The following SMC3 variants were observed in gnomAD, a reference collection of about 807,000 sequenced individuals.
The protein encoded by SMC3 is structural maintenance of chromosomes protein 3.
A neutral mutation model predicts 171.8 loss-of-function variants in SMC3; 20 were observed. The ratio of observed to expected loss-of-function variants is 0.12; its 90% confidence interval spans 0.08 to 0.17. SMC3 has a LOEUF of 0.17. Among genes scored for constraint, SMC3 ranks in the 10% least tolerant of loss-of-function variants. The probability of loss-of-function intolerance (pLI) is 1.00; values close to 1 mark genes in which losing one functional copy is unlikely to be tolerated. For missense variants in SMC3, 543 were observed against 1,420.4 expected (o/e 0.38, Z 9.93); for synonymous variants, 464 against 451.1 (o/e 1.03, Z -0.36).
At chr10:110,590,049 G>A in intron 15 of SMC3, 58 bp downstream of exon 15, 1 of 1,476,502 alleles carries the variant, frequency 6.8e-7, no homozygotes, top group Non-Finnish European at 9.5e-7. Flanking sequence ...TAATCGTTAT[G>A]TAATAATTTT....
At chr10:110,598,336 T>C in intron 20 of SMC3, 46 bp downstream of exon 20, 1 of 1,557,210 alleles carries the variant, frequency 6.4e-7, no homozygotes, top group African/African-American at 1.4e-5. Context: ...TACAGATTAA[T>C]AATATGGAAA....
In SMC3 at chr10:110,596,518, A is replaced by T. The variant is rs1861302645; in HGVS notation, c.2084A>T (p.Lys695Met). The part of the protein sequence containing the change: ...AEEELGELEA[K>M]LNENLRRNIE... ...GAAGAACTAGGTGAACTTGAAGCAAAGCTCAATGAAAACCTGCGCAGAAAT... is the reference window on the plus strand; with the variant it reads ...GAAGAACTAGGTGAACTTGAAGCAATGCTCAATGAAAACCTGCGCAGAAAT... The change falls in exon 19 of 29, where the codon AAG (lysine) becomes ATG (methionine). Residue 695 changes from lysine to methionine, a missense_variant. By Grantham distance (95) the Lys-to-Met change is moderately conservative. Around this residue, in one of 8 missense-constraint regions of SMC3, gnomAD observed 218 missense variants for 509.6 expected, o/e 0.43. Transcript: ENST00000361804. The T allele has an allele frequency of 6.2e-7, 1 of 1,614,026 alleles. No individual in the cohort carries two copies. Among genetic ancestry groups the T allele is most frequent in the African/African-American group, 1.3e-5 (1 of 74,938 alleles).
At position 110,581,878 on chromosome 10, in the gene SMC3, A is replaced by C. The variant is rs2275570; in HGVS notation, c.548-45A>C. The C allele has an allele frequency of 0.12, 173,961 of 1,477,832 alleles. 12,233 individuals carry two copies. Among genetic ancestry groups the C allele is most frequent in the East Asian group, 0.29 (12,962 of 44,118 alleles). The allele number at this position is 1,477,832 out of a possible 1,614,324, so 91.5% of individuals were successfully genotyped here. On this transcript the variant is annotated intron_variant, in intron 8 of 28. Coordinates refer to ENST00000361804, the MANE Select transcript of SMC3 (RefSeq NM_005445.4). The stretch of plus-strand genomic sequence containing the variant: ...TATATTTAAGAAGTGATATTACATA[A>C]AAATCTTATTCAATTCTTCCACCTC...
At chr10:110,596,282 A>T in intron 18 of SMC3, 116 bp from the exon 19 acceptor site, 1 of 971,484 alleles carries the variant, frequency 1.0e-6, no homozygotes, top group Non-Finnish European at 1.5e-6. Flanking sequence ...GGTGGTTTAA[A>T]TTACTTTCAA....
At chr10:110,573,468 C>T (rs1860902194) in intron 2 of SMC3, among the ~76,000 whole-genome samples, 1 of 151,986 alleles carries the variant, frequency 6.6e-6, no homozygotes, top group Non-Finnish European at 1.5e-5. Flanking sequence ...TGGGTAAGAG[C>T]AAACGGATCA....
chr10:110,584,041 T>C lies in SMC3; in HGVS notation c.1091+79T>C, dbSNP rs1197612889. 12 of 1,551,808 alleles carry C rather than the reference T, an allele frequency of 7.7e-6. No individual in the cohort carries two copies. In the Admixed American group the frequency reaches 1.9e-4, roughly 24 times the overall value. Reference sequence around the variant, plus strand: ...AGGTTGTCCGAGGAGCTCAATTATATAGTAGCTGCTTTTTACACTTAATTC... The same window carrying C: ...AGGTTGTCCGAGGAGCTCAATTATACAGTAGCTGCTTTTTACACTTAATTC... On this transcript the variant is annotated intron_variant, in intron 12 of 28. Transcript: ENST00000361804.
intron 10 of SMC3, among the ~76,000 whole-genome samples, 189 bp downstream of exon 10, chr10:110,582,831 C>CTAGTTTTTAAA (rs1439641215): frequency 2.6e-5 from 4 of 151,780 alleles, no homozygotes; most frequent in African/African-American, 9.7e-5. Flanking sequence ...CCACACCTGT[C>CTAGTTTTTAAA]TAGTTTTTAA....
Position 110,599,816 on chromosome 10 carries a change from A to G in SMC3, c.2427+4A>G. 4 of 1,613,970 alleles carry G rather than the reference A, an allele frequency of 2.5e-6. No homozygotes were observed. The highest frequency in any genetic ancestry group is 3.4e-6 in the Non-Finnish European group (4 of 1,179,884). On this transcript the variant is annotated splice_donor_region_variant and intron_variant, in intron 21 of 28. Transcript: ENST00000361804. ...TGAGATTCGTCAACTTCAGCAGGTA[A>G]GTAGACAGCTGACTGGAAAAAGAAT...
intron 8 of SMC3, among the ~76,000 whole-genome samples, 192 bp from the exon 9 acceptor site, chr10:110,581,731 C>T (rs1374839422): frequency 6.6e-6 from 1 of 152,066 alleles, no homozygotes; most frequent in African/African-American, 2.4e-5. Flanking sequence ...TGATTTTTCA[C>T]AGAAAAAAAT....
chr10:110,574,201 T>C (rs1860913918), intron 3 of SMC3, among the ~76,000 whole-genome samples: 1 of 152,242 alleles, frequency 6.6e-6, no homozygotes, highest in Admixed American at 6.5e-5. Context: ...TGAAAACGTT[T>C]TCTAAACCAA....
Position 110,583,532 on chromosome 10 carries a change from G to T in SMC3, c.953G>T (p.Gly318Val). 1 of 1,614,010 alleles carries T rather than the reference G, an allele frequency of 6.2e-7. No individual in the cohort carries two copies. The highest frequency in any genetic ancestry group is 8.5e-7 in the Non-Finnish European group (1 of 1,179,962). ...KAKDLQDELA[G>V]NSEQRKRLLK... ...AAGGATTTACAAGATGAACTAGCAGGCAATAGTGAACAAAGGGTAAGTTAA... is the reference window on the plus strand; with the variant it reads ...AAGGATTTACAAGATGAACTAGCAGTCAATAGTGAACAAAGGGTAAGTTAA... Residue 318 changes from glycine to valine, a missense_variant, in exon 11 of 29, where the codon GGC becomes GTC. Transcript: ENST00000361804.
rs1481652450 is a variant in SMC3, at chr10:110,605,335, ATTCT to A, written c.*1036_*1039del. Among the ~76,000 whole-genome samples, 1 of 152,046 alleles carries A rather than the reference ATTCT, an allele frequency of 6.6e-6. No individual in the cohort carries two copies. Among genetic ancestry groups the A allele is most frequent in the African/African-American group, 2.4e-5 (1 of 41,406 alleles). ...CAATAGTCCTCGTAGCTTTTTGTAG[ATTCT>A]TTGAGATTTTCTACATAGACAGTCA... On this transcript the variant is annotated 3_prime_UTR_variant, in exon 29 of 29. Transcript: ENST00000361804.
intron 19 of SMC3, among the ~76,000 whole-genome samples, chr10:110,597,588 G>T (rs1047795989): frequency 2.0e-5 from 3 of 152,210 alleles, no homozygotes; most frequent in Non-Finnish European, 1.5e-5. Context: ...CCTTGCAGGG[G>T]TCTGCATATC....
At chr10:110,587,315 A>G (rs1294233005) in intron 13 of SMC3, among the ~76,000 whole-genome samples, 3 of 152,214 alleles carry the variant, frequency 2.0e-5, no homozygotes, top group African/African-American at 7.2e-5. Context: ...TCTGAGTAGC[A>G]TCATGGTGTC....
rs1861074010 is a variant in SMC3 at position 110,584,177 on chromosome 10, G to A, written c.1092-6G>A. 3 of 1,613,388 alleles carry A rather than the reference G, an allele frequency of 1.9e-6. No individual in the cohort carries two copies. The highest frequency in any genetic ancestry group is 4.5e-5 in the East Asian group (2 of 44,844). ...TTTTCATCCCATTTGCTTCTATTTT[G>A]TGTAGATTGGCTCAAGCTACCCAGG... On this transcript the variant is annotated splice_polypyrimidine_tract_variant and splice_region_variant and intron_variant, in intron 12 of 28. Transcript: ENST00000361804.
chr10:110,568,135 G>T (rs1017894689), intron 1 of SMC3, among the ~76,000 whole-genome samples: 1 of 152,138 alleles, frequency 6.6e-6, no homozygotes, highest in Admixed American at 6.5e-5. Flanking sequence ...GGGCCTTCCT[G>T]GGTGGCCCCA....
chr10:110,578,832 A>G (rs1860992832), intron 7 of SMC3, 126 bp downstream of exon 7: 4 of 703,122 alleles, frequency 5.7e-6, no homozygotes, highest in South Asian at 1.6e-5. Context: ...TTACATGGCC[A>G]TAAAGTACCA....
At chr10:110,589,111 C>T (rs1391598367) in intron 13 of SMC3, among the ~76,000 whole-genome samples, 1 of 151,988 alleles carries the variant, frequency 6.6e-6, no homozygotes, top group Non-Finnish European at 1.5e-5. Context: ...GAAATGGGGC[C>T]GGGCGCAGTG....
At position 110,599,883 on chromosome 10, in the gene SMC3, A is replaced by T. The variant is rs540175399; in HGVS notation, c.2427+71A>T. ...ATTGTGAAAAGGGCCTTTCTTGCTA[A>T]CTAGGGCAATATGAAAGAAAAGAAC... On this transcript the variant is annotated intron_variant, in intron 21 of 28. Transcript: ENST00000361804. The T allele has an allele frequency of 3.2e-5, 44 of 1,359,040 alleles. No individual in the cohort carries two copies. In the Admixed American group the frequency reaches 7.4e-4, roughly 23 times the overall value. The allele number at this position is 1,359,040 out of a possible 1,614,324, so 84.2% of individuals were successfully genotyped here. A position where few individuals can be genotyped will look rare whatever the true frequency, so the allele number is the denominator to read the frequency against.
Sources: allele counts gnomAD v4.1 joint callset (sites outside exome capture counted in the v4.1 genomes callset), GRCh38; gene constraint gnomAD v4.1.1; regional missense constraint gnomAD v4.1.1; transcripts MANE v1.5; gene names NCBI Gene and HGNC (gene_info 2026-07-23, HGNC 2026-07-21).